IKBKB: variants seen among roughly 807,000 people sequenced by gnomAD.
IKBKB encodes inhibitor of nuclear factor kappa-B kinase subunit beta.
A neutral mutation model predicts 113.6 loss-of-function variants in IKBKB; 42 were observed. That is an observed-to-expected ratio of 0.37 (90% CI 0.29 to 0.48). The LOEUF (loss-of-function observed/expected upper bound fraction) is 0.48, where lower values mean the gene tolerates loss of function less well. Ranked by LOEUF, IKBKB falls within the 20% of genes least tolerant of loss-of-function variation. IKBKB has a pLI of 0.99. For synonymous variants in IKBKB, 296 were observed against 361.3 expected (o/e 0.82, Z 2.05); for missense variants, 673 against 939.7 (o/e 0.72, Z 3.71).
rs58114942 is a variant in IKBKB at position 42,285,084 on chromosome 8, G to T, written c.106-3550G>T. Among the ~76,000 whole-genome samples the T allele has an allele frequency of 6.4e-3, 970 of 152,148 alleles. 9 individuals are homozygous for T. Among genetic ancestry groups the T allele is most frequent in the African/African-American group, 0.022 (894 of 41,510 alleles). On this transcript the variant is annotated intron_variant, in intron 2 of 21. Coordinates refer to ENST00000520810, the MANE Select transcript of IKBKB (RefSeq NM_001556.3). ...TTGGCCAGGCTGGTCTCGAACTCCT[G>T]ACCTCAGGTGATCCACCTGCCTGGG...
intron 2 of IKBKB, among the ~76,000 whole-genome samples, chr8:42,273,119 T>A (rs17875662): frequency 1.2e-3 from 189 of 151,910 alleles, no homozygotes; most frequent in African/African-American, 4.4e-3. Flanking sequence ...AACCATTTTT[T>A]AAAAATTATT....
intron 2 of IKBKB, among the ~76,000 whole-genome samples, chr8:42,274,461 A>T (rs1414044562): frequency 1.3e-5 from 1 of 75,036 alleles, no homozygotes; most frequent in Non-Finnish European, 2.8e-5. Context: ...AACTCCCCCC[A>T]CCCCCACCAC....
intron 19 of IKBKB, chr8:42,325,114 A>G: frequency 1.9e-6 from 1 of 536,588 alleles, no homozygotes; most frequent in Non-Finnish European, 2.4e-6. Context: ...TGGGTTGGGG[A>G]CCATGCAGGG....
chr8:42,326,967 A>C (rs890589818), intron 20 of IKBKB, among the ~76,000 whole-genome samples: 6 of 151,978 alleles, frequency 3.9e-5, no homozygotes, highest in African/African-American at 1.5e-4. Flanking sequence ...GCAGGGGAGG[A>C]GGTTGGGAGT....
chr8:42,328,011 C>G (rs1821129389), intron 20 of IKBKB, among the ~76,000 whole-genome samples: 1 of 40,238 alleles, frequency 2.5e-5, no homozygotes, highest in South Asian at 9.7e-4. Flanking sequence ...GGGGTTTCAC[C>G]TTGTTAGCCA....
rs555312351 is a variant in IKBKB, at chr8:42,329,213, C to T, written c.2204C>T (p.Thr735Met). 123 of 1,580,254 alleles carry T rather than the reference C, an allele frequency of 7.8e-5. 1 individual carries two copies. In the East Asian group the frequency reaches 1.8e-3, roughly 23 times the overall value. The change falls in exon 21 of 22, where the codon ACG (threonine) becomes ATG (methionine). Residue 735 changes from threonine (T) to methionine (M), a missense_variant and splice_region_variant. Physicochemically the swap from Thr to Met is moderately conservative, Grantham distance 81 (BLOSUM62 -1). This residue lies in a region of IKBKB where 506 missense variants were observed against 638.7 expected (regional missense o/e 0.79). Coordinates refer to ENST00000520810, the MANE Select transcript of IKBKB (RefSeq NM_001556.3). ...GTGAGGGAACAAGACCAGAGTTTCA[C>T]GGTAACAGCTTGTGTGAGACTCCTG... ...DTVREQDQSF[T>M]ALDWSWLQTE...
At chr8:42,299,801 C>T (rs1251335040) in intron 5 of IKBKB, among the ~76,000 whole-genome samples, 1 of 152,236 alleles carries the variant, frequency 6.6e-6, no homozygotes, top group African/African-American at 2.4e-5. Flanking sequence ...CAGCTGCAGA[C>T]CTGCCCCTCT....
At chr8:42,326,275 C>G in intron 20 of IKBKB, 178 bp downstream of exon 20, 1 of 688,420 alleles carries the variant, frequency 1.5e-6, no homozygotes, top group Non-Finnish European at 2.4e-6. Context: ...CTCATAGTCC[C>G]TTGAAACTTA....
At chr8:42,302,010 C>G (rs1815320105) in intron 5 of IKBKB, among the ~76,000 whole-genome samples, 1 of 152,158 alleles carries the variant, frequency 6.6e-6, no homozygotes, top group South Asian at 2.1e-4. Flanking sequence ...TGTATTACAT[C>G]CTGATACTCT....
chr8:42,331,032 A>G lies in IKBKB; in HGVS notation c.*53A>G, dbSNP rs1057741. The stretch of plus-strand genomic sequence containing the variant: ...GGGCAGCCCATAGCAGGCCTTGTGC[A>G]GTGGGGGGACTCGACCCCCTGACAT... On this transcript the variant is annotated 3_prime_UTR_variant, in exon 22 of 22. Transcript: ENST00000520810. 1,546,547 of 1,609,086 alleles carry G rather than the reference A, an allele frequency of 0.96. 743,540 individuals are homozygous for G. Among genetic ancestry groups the G allele is most frequent in the East Asian group, 1 (44,698 of 44,852 alleles).
intron 5 of IKBKB, among the ~76,000 whole-genome samples, chr8:42,295,248 A>G (rs1345734985): frequency 6.7e-6 from 1 of 150,318 alleles, no homozygotes; most frequent in African/African-American, 2.4e-5. Context: ...CCTCCTGAGT[A>G]GCTGGGATTA....
intron 19 of IKBKB, chr8:42,325,225 C>T (rs17875723): frequency 0.046 from 45,314 of 985,356 alleles, 1,096 homozygotes; most frequent in Non-Finnish European, 0.049. Flanking sequence ...CTTGACCCTT[C>T]GGGCTGGGAG....
At position 42,290,927 on chromosome 8, in the gene IKBKB, C is replaced by T. The variant is rs1812492937; in HGVS notation, c.318+654C>T. On this transcript the variant is annotated intron_variant, in intron 4 of 21. Coordinates refer to ENST00000520810, the MANE Select transcript of IKBKB (RefSeq NM_001556.3). ...AGGGGCAGTTGGGTGCCCTCCTCCC[C>T]ATTGTTCCCTATGACAGTACCACAC... Among the ~76,000 whole-genome samples, 4 of 152,220 alleles carry T rather than the reference C, an allele frequency of 2.6e-5. No individual in the cohort carries two copies. In the South Asian group the frequency reaches 6.2e-4, roughly 24 times the overall value.
chr8:42,331,605 C>T lies in IKBKB; in HGVS notation c.*626C>T, dbSNP rs1004393922. 8.5e-6 allele frequency: 5 copies of T among 589,308 alleles called. No individual in the cohort carries two copies. Among genetic ancestry groups the T allele is most frequent in the African/African-American group, 1.9e-5 (1 of 53,644 alleles). 36.5% of individuals were successfully genotyped at this position (589,308 alleles called of 1,614,324 possible). ...ACTGCTGCTAAAATTGTGTTTTTAC[C>T]TACTACTTTGGTGGTTGTCCTCTTT... On this transcript the variant is annotated 3_prime_UTR_variant, in exon 22 of 22. Coordinates refer to ENST00000520810, the MANE Select transcript of IKBKB (RefSeq NM_001556.3).
chr8:42,279,749 GA>G (rs1308309737), intron 2 of IKBKB, among the ~76,000 whole-genome samples: 2 of 152,310 alleles, frequency 1.3e-5, no homozygotes, highest in Admixed American at 6.5e-5. Context: ...TCTCTGTGGT[GA>G]GGACTCAGGG....
intron 2 of IKBKB, among the ~76,000 whole-genome samples, chr8:42,277,770 G>A (rs556296932): frequency 2.0e-5 from 3 of 152,202 alleles, no homozygotes; most frequent in Non-Finnish European, 2.9e-5. Flanking sequence ...TCCTGTCTGC[G>A]TGTGGAGTAA....
intron 2 of IKBKB, among the ~76,000 whole-genome samples, chr8:42,284,982 G>A (rs1811130975): frequency 6.7e-6 from 1 of 149,148 alleles, no homozygotes; most frequent in Non-Finnish European, 1.5e-5. Flanking sequence ...TCAGTCTCCC[G>A]AGTAGCTAGG....
intron 16 of IKBKB, chr8:42,321,367 C>T (rs1449001147): frequency 6.3e-6 from 1 of 158,090 alleles, no homozygotes; most frequent in African/African-American, 2.4e-5. Context: ...TGGAGGGAAC[C>T]AGGCAGGCCG....
Position 42,316,947 on chromosome 8 carries a change from G to T in IKBKB, c.1125+43G>T. 1 of 1,561,192 alleles carries T rather than the reference G, an allele frequency of 6.4e-7. No individual in the cohort carries two copies. The highest frequency in any genetic ancestry group is 1.1e-5 in the South Asian group (1 of 88,764). ...ACACACCATCCTGTTTACCTTGGCT[G>T]TGCCTCCTGGGAAACTCAACACACT... On this transcript the variant is annotated intron_variant, in intron 11 of 21. Coordinates refer to ENST00000520810, the MANE Select transcript of IKBKB (RefSeq NM_001556.3). This position sits in a 1 kb window ranked among gnomAD's most constrained non-coding sequence, Gnocchi z 4.5.
Sources: gnomAD v4.1 joint callset for allele counts (sites outside exome capture counted in the v4.1 genomes callset) on GRCh38, gnomAD v4.1.1 for gene constraint, gnomAD v4.1.1 regional missense constraint, Gnocchi (gnomAD v3.1) non-coding constraint, MANE v1.5 for transcripts, NCBI Gene and HGNC (gene_info 2026-07-23, HGNC 2026-07-21) for gene names.